The following ITGBL1 variants were observed in gnomAD, a reference collection of about 807,000 sequenced individuals.
ITGBL1 encodes the protein integrin subunit beta like 1.
A neutral mutation model predicts 68.5 loss-of-function variants in ITGBL1; 51 were observed. The observed-to-expected ratio is 0.74, with a 90% CI of 0.59 to 0.94. The LOEUF (loss-of-function observed/expected upper bound fraction) is 0.94, where lower values mean the gene tolerates loss of function less well. Among genes scored for constraint, ITGBL1 ranks in the 40% least tolerant of loss-of-function variants. The pLI is 0.00. For missense variants in ITGBL1, 649 were observed against 647.4 expected (o/e 1.00, Z -0.03); for synonymous variants, 209 against 227.3 (o/e 0.92, Z 0.72).
At chr13:101,628,356 T>C (rs1566764657) in intron 7 of ITGBL1, among the ~76,000 whole-genome samples, 1 of 152,172 alleles carries the variant, frequency 6.6e-6, no homozygotes, top group Admixed American at 6.6e-5. Flanking sequence ...TTATCAGATA[T>C]GTCTTTTGCA....
chr13:101,667,897 G>T (rs2033261326), intron 7 of ITGBL1, among the ~76,000 whole-genome samples: 1 of 122,544 alleles, frequency 8.2e-6, no homozygotes, highest in African/African-American at 3.2e-5. Context: ...ACACTTAAAA[G>T]TGTAAAAAAA....
intron 3 of ITGBL1, among the ~76,000 whole-genome samples, chr13:101,572,981 G>T (rs370032617): frequency 6.6e-6 from 1 of 152,046 alleles, no homozygotes; most frequent in Non-Finnish European, 1.5e-5. Context: ...AAAGGCTTTT[G>T]CAATAGACTT....
At chr13:101,511,892 T>A (rs1428752511) in intron 2 of ITGBL1, among the ~76,000 whole-genome samples, 1 of 152,140 alleles carries the variant, frequency 6.6e-6, no homozygotes, top group Non-Finnish European at 1.5e-5. Flanking sequence ...TGTGGTCATT[T>A]GTTATGCTGC....
At chr13:101,710,194 G>C (rs2034394789) in intron 9 of ITGBL1, among the ~76,000 whole-genome samples, 1 of 152,178 alleles carries the variant, frequency 6.6e-6, no homozygotes, top group Non-Finnish European at 1.5e-5. Context: ...GAGTTTGGGA[G>C]TCCTTAAACT....
At chr13:101,546,863 CAT>C (rs1479710731) in intron 2 of ITGBL1, among the ~76,000 whole-genome samples, 1 of 152,002 alleles carries the variant, frequency 6.6e-6, no homozygotes, top group African/African-American at 2.4e-5. Context: ...CAACTGTTTT[CAT>C]ATCTTACTGA....
At chr13:101,684,569 G>A (rs1245147438) in intron 7 of ITGBL1, among the ~76,000 whole-genome samples, 1 of 151,834 alleles carries the variant, frequency 6.6e-6, no homozygotes, top group Non-Finnish European at 1.5e-5. Flanking sequence ...TTGCTATAGG[G>A]CAACTAATAT....
intron 7 of ITGBL1, among the ~76,000 whole-genome samples, chr13:101,625,881 A>C (rs545943402): frequency 1.7e-4 from 26 of 152,156 alleles, no homozygotes; most frequent in Non-Finnish European, 3.4e-4. Flanking sequence ...TTGAGCATTT[A>C]ATGATGCGTT....
chr13:101,511,503 T>C (rs1037907969), intron 2 of ITGBL1, among the ~76,000 whole-genome samples: 1 of 152,122 alleles, frequency 6.6e-6, no homozygotes, highest in Non-Finnish European at 1.5e-5. Context: ...AAGCATTAAG[T>C]CCCTAGCCTT....
At position 101,603,047 on chromosome 13, in the gene ITGBL1, C is replaced by T. The variant is rs182203580; in HGVS notation, c.1015+4748C>T. 7.2e-4 allele frequency among the ~76,000 whole-genome samples: 109 copies of T among 151,982 alleles called. 2 individuals carry two copies. Among genetic ancestry groups the T allele is most frequent in the Non-Finnish European group, 3.2e-4 (22 of 67,900 alleles). On this transcript the variant is annotated intron_variant, in intron 7 of 10. Transcript: ENST00000376180. ...TAATGCTGCTACAAACATTCCTGTG[C>T]GACTTTTTGGGTGGACATGTCTTTT...
At chr13:101,586,394 G>A (rs3825513) in intron 6 of ITGBL1, among the ~76,000 whole-genome samples, 73,890 of 151,916 alleles carry the variant, frequency 0.49, 18,556 homozygotes, top group East Asian at 0.67. Context: ...CCACAGCTTG[G>A]CTCCCACACT....
intron 6 of ITGBL1, among the ~76,000 whole-genome samples, chr13:101,595,988 A>G (rs999253123): frequency 6.6e-6 from 1 of 152,190 alleles, no homozygotes; most frequent in African/African-American, 2.4e-5. Flanking sequence ...ATATATATCT[A>G]TATATGTAAC....
intron 7 of ITGBL1, among the ~76,000 whole-genome samples, chr13:101,673,604 C>T (rs2033429098): frequency 6.6e-6 from 1 of 152,180 alleles, no homozygotes. Flanking sequence ...CAGTCAGTTG[C>T]TTTCAAGCCT....
rs139079346 is a variant in ITGBL1, at chr13:101,490,664, T to G, written c.316+36564T>G. Among the ~76,000 whole-genome samples, 393 of 152,272 alleles carry G rather than the reference T, an allele frequency of 2.6e-3. 2 individuals are homozygous for G. The highest frequency in any genetic ancestry group is 3.4e-3 in the Non-Finnish European group (229 of 68,012). On this transcript the variant is annotated intron_variant, in intron 2 of 10. Transcript: ENST00000376180. ...GGTACAGCTTCTGAAGACAGGAAAT[T>G]GGAAATGGGCACAGAGAAGAGGCTA...
chr13:101,688,589 G>A (rs1187383027), intron 7 of ITGBL1, among the ~76,000 whole-genome samples: 1 of 152,186 alleles, frequency 6.6e-6, no homozygotes, highest in Non-Finnish European at 1.5e-5. Context: ...CCATCAGAGG[G>A]ATTTGTGCAA....
rs184000379 is a variant in ITGBL1, at chr13:101,675,485, G to C, written c.1016-17100G>C. Among the ~76,000 whole-genome samples the C allele has an allele frequency of 2.6e-5, 4 of 152,184 alleles. No individual in the cohort carries two copies. In the East Asian group the frequency reaches 7.7e-4, roughly 29 times the overall value. On this transcript the variant is annotated intron_variant, in intron 7 of 10. Transcript: ENST00000376180. ...ATTTCTTCCAAGGGCGTCTTTCCTT[G>C]TCTTGTACATAGCCTTCCCTTTGTG...
chr13:101,651,763 G>T (rs1566775911), intron 7 of ITGBL1, among the ~76,000 whole-genome samples: 1 of 151,866 alleles, frequency 6.6e-6, no homozygotes, highest in Non-Finnish European at 1.5e-5. Context: ...TGTCCTAAAT[G>T]GTATTACCTA....
At chr13:101,557,170 C>A (rs1019160374) in intron 2 of ITGBL1, among the ~76,000 whole-genome samples, 1 of 152,116 alleles carries the variant, frequency 6.6e-6, no homozygotes, top group Non-Finnish European at 1.5e-5. Context: ...GGATGAAGAA[C>A]GCAGCACTGT....
At chr13:101,625,440 T>C (rs1339229169) in intron 7 of ITGBL1, among the ~76,000 whole-genome samples, 1 of 152,188 alleles carries the variant, frequency 6.6e-6, no homozygotes, top group Non-Finnish European at 1.5e-5. Flanking sequence ...AGGGATGATA[T>C]TGCTTCTTCT....
chr13:101,671,426 G>GTTTTTTTTTTTTTTTTT lies in ITGBL1; in HGVS notation c.1016-21149_1016-21148insTTTTTTTTTTTTTTTTT, dbSNP rs66501713. Among the ~76,000 whole-genome samples, 28 of 112,654 alleles carry GTTTTTTTTTTTTTTTTT rather than the reference G, an allele frequency of 2.5e-4. 3 individuals carry two copies. The highest frequency in any genetic ancestry group is 3.8e-4 in the Non-Finnish European group (21 of 55,838). 73.9% of individuals were successfully genotyped at this position (112,654 alleles called of 152,430 possible). ...AGCTATTTGACAAAAGTATACCTTT[G>GTTTTTTTTTTTTTTTTT]TTTTTTTTTTGTTTTTTTTTGTTTT... On this transcript the variant is annotated intron_variant, in intron 7 of 10. Coordinates refer to ENST00000376180, the MANE Select transcript of ITGBL1 (RefSeq NM_004791.3).
Sources: gnomAD v4.1 joint callset for allele counts (sites outside exome capture counted in the v4.1 genomes callset) on GRCh38, gnomAD v4.1.1 for gene constraint, MANE v1.5 for transcripts, NCBI Gene and HGNC (gene_info 2026-07-23, HGNC 2026-07-21) for gene names.